ZNF385B: variants seen among roughly 807,000 people sequenced by gnomAD.
ZNF385B encodes the protein zinc finger protein 385B.
ZNF385B carries 23 observed loss-of-function variants against 39.2 expected under a neutral mutation model. The ratio of observed to expected loss-of-function variants is 0.59; its 90% CI spans 0.42 to 0.83. The LOEUF (loss-of-function observed/expected upper bound fraction) is 0.83, where lower values mean the gene tolerates loss of function less well. Among genes scored for constraint, ZNF385B ranks in the 40% least tolerant of loss-of-function variants. The pLI, the probability that ZNF385B is intolerant of heterozygous loss-of-function variation, is 0.00. For missense variants in ZNF385B, 552 were observed against 598.9 expected, an observed-to-expected ratio of 0.92 and a Z score of 0.82; for synonymous variants, 205 against 222.6, an observed-to-expected ratio of 0.92 and a Z score of 0.70.
chr2:179,858,658 A>C (rs948459463), intron 1 of ZNF385B, among the ~76,000 whole-genome samples: 3 of 152,092 alleles, frequency 2.0e-5, no homozygotes, highest in African/African-American at 7.2e-5. Context: ...GGCAAAATAG[A>C]GATAATGAAA....
chr2:179,640,950 G>A (rs1307045820), intron 3 of ZNF385B, among the ~76,000 whole-genome samples: 3 of 152,116 alleles, frequency 2.0e-5, no homozygotes, highest in African/African-American at 4.8e-5. Flanking sequence ...AGTTATGAAT[G>A]TACTTTCTCT....
rs201229771 is a variant in ZNF385B at position 179,445,545 on chromosome 2, G to A, written c.1140+5C>T. ...AATAATGTTTACTAATTCAGGATAC[G>A]TTACCTGTTTGAGTTGAATTTCTGA... On this transcript the variant is annotated splice_donor_5th_base_variant and intron_variant, in intron 8 of 9. Coordinates refer to ENST00000410066, the MANE Select transcript of ZNF385B (RefSeq NM_152520.6). The A allele has an allele frequency of 8.1e-6, 13 of 1,608,810 alleles. No homozygotes were observed. Among genetic ancestry groups the A allele is most frequent in the South Asian group, 4.4e-5 (4 of 89,956 alleles).
In ZNF385B at chr2:179,493,511, G is replaced by A. The variant is rs116279527; in HGVS notation, c.553-10077C>T. Reference sequence around the variant, plus strand: ...TATAAACGTGTGTGTACATATATGCGTATACATATGTGTGTACATATATGC... The same window carrying A: ...TATAAACGTGTGTGTACATATATGCATATACATATGTGTGTACATATATGC... On this transcript the variant is annotated intron_variant, in intron 5 of 9. Transcript: ENST00000410066. 5.4e-3 allele frequency among the ~76,000 whole-genome samples: 818 copies of A among 151,010 alleles called. 12 individuals carry two copies. The highest frequency in any genetic ancestry group is 0.019 in the African/African-American group (773 of 41,226).
At chr2:179,561,541 A>G (rs2105963837) in intron 3 of ZNF385B, among the ~76,000 whole-genome samples, 1 of 152,264 alleles carries the variant, frequency 6.6e-6, no homozygotes, top group East Asian at 1.9e-4. Context: ...ACTATGAGAT[A>G]AAAATATCTT....
chr2:179,694,898 C>A (rs1276213131), intron 3 of ZNF385B, among the ~76,000 whole-genome samples: 2 of 151,508 alleles, frequency 1.3e-5, no homozygotes, highest in Middle Eastern at 3.2e-3. Flanking sequence ...CCACTGCACT[C>A]CAGCCTGGGT....
chr2:179,738,249 A>G (rs1255901449), intron 3 of ZNF385B, among the ~76,000 whole-genome samples: 1 of 152,230 alleles, frequency 6.6e-6, no homozygotes, highest in African/African-American at 2.4e-5. Flanking sequence ...TATTGAAAAA[A>G]TATAATTCGA....
At chr2:179,616,077 G>C (rs965604725) in intron 3 of ZNF385B, among the ~76,000 whole-genome samples, 1 of 152,146 alleles carries the variant, frequency 6.6e-6, no homozygotes, top group Non-Finnish European at 1.5e-5. Context: ...TCAGATCCTG[G>C]AGTAGGATTG....
chr2:179,836,423 T>C lies in ZNF385B; in HGVS notation c.-155+24678A>G, dbSNP rs75144396. Among the ~76,000 whole-genome samples, 1,214 of 152,168 alleles carry C rather than the reference T, an allele frequency of 8.0e-3. 17 individuals are homozygous for C. Among genetic ancestry groups the C allele is most frequent in the African/African-American group, 0.027 (1,134 of 41,516 alleles). ...TGCATTTAGAGCAATAAAATAAAAA[T>C]GTAAAATAAGAGAATTTGAGTCAGA... On this transcript the variant is annotated intron_variant, in intron 1 of 9. Transcript: ENST00000410066.
chr2:179,466,915 C>CAAAAAA (rs777679885), intron 6 of ZNF385B, among the ~76,000 whole-genome samples: 443 of 26,902 alleles, frequency 0.016, 76 homozygotes, highest in Non-Finnish European at 0.022. Flanking sequence ...GCAAGACTGT[C>CAAAAAA]AAAAAAAAAA....
chr2:179,691,073 G>T (rs926519410), intron 3 of ZNF385B, among the ~76,000 whole-genome samples: 2 of 152,112 alleles, frequency 1.3e-5, no homozygotes, highest in African/African-American at 4.8e-5. Context: ...GGTGAAAAAT[G>T]AGTTCTGAAC....
intron 3 of ZNF385B, among the ~76,000 whole-genome samples, chr2:179,585,712 C>T (rs1296599089): frequency 6.6e-6 from 1 of 152,128 alleles, no homozygotes; most frequent in Non-Finnish European, 1.5e-5. Context: ...AGACTTTCCT[C>T]CTCTTCCCTC....
intron 1 of ZNF385B, among the ~76,000 whole-genome samples, chr2:179,852,691 T>C (rs1402024300): frequency 6.6e-6 from 1 of 152,142 alleles, no homozygotes; most frequent in Non-Finnish European, 1.5e-5. Context: ...ATGTGGGTGA[T>C]TTCTCAGAGC....
chr2:179,469,541 C>T (rs576175654), intron 6 of ZNF385B, among the ~76,000 whole-genome samples: 1 of 152,184 alleles, frequency 6.6e-6, no homozygotes, highest in East Asian at 1.9e-4. Context: ...TTAAGAGATC[C>T]CTGACCCAAA....
At chr2:179,608,842 CTGTGTGTGTGTG>C (rs60633100) in intron 3 of ZNF385B, among the ~76,000 whole-genome samples, 30,689 of 134,536 alleles carry the variant, frequency 0.23, 3,665 homozygotes, top group East Asian at 0.48. Flanking sequence ...AGGGCCAAGA[CTGTGTGTGTGTG>C]TGTGTGTGTG....
chr2:179,832,833 T>A (rs1454060393), intron 1 of ZNF385B, among the ~76,000 whole-genome samples: 1 of 152,242 alleles, frequency 6.6e-6, no homozygotes, highest in Non-Finnish European at 1.5e-5. Context: ...TTTTGTTGCA[T>A]GAGTAAATGA....
intron 1 of ZNF385B, among the ~76,000 whole-genome samples, chr2:179,804,157 T>C (rs533130200): frequency 1.3e-5 from 2 of 152,326 alleles, no homozygotes; most frequent in Admixed American, 6.5e-5. Context: ...AACCTTATTG[T>C]CAGTTTTGCT....
At chr2:179,728,625 A>T in intron 3 of ZNF385B, among the ~76,000 whole-genome samples, 1 of 152,236 alleles carries the variant, frequency 6.6e-6, no homozygotes, top group South Asian at 2.1e-4. Flanking sequence ...TAAAACTTTG[A>T]TTTTAAATTT....
At chr2:179,495,771 G>A (rs2056137546) in intron 5 of ZNF385B, among the ~76,000 whole-genome samples, 1 of 152,182 alleles carries the variant, frequency 6.6e-6, no homozygotes, top group Admixed American at 6.5e-5. Flanking sequence ...ACCTCTATGA[G>A]TCTGCAAGCA....
intron 6 of ZNF385B, among the ~76,000 whole-genome samples, chr2:179,471,046 C>T (rs1452226593): frequency 6.6e-6 from 1 of 151,920 alleles, no homozygotes; most frequent in Non-Finnish European, 1.5e-5. Flanking sequence ...CAGTTAAAAG[C>T]CTTAAAATGA....
Sources: allele counts gnomAD v4.1 joint callset (sites outside exome capture counted in the v4.1 genomes callset), GRCh38; gene constraint gnomAD v4.1.1; transcripts MANE v1.5; gene names NCBI Gene and HGNC (gene_info 2026-07-23, HGNC 2026-07-21).